SH3YL1: variants seen among roughly 807,000 people sequenced by gnomAD.
SH3YL1 encodes the protein SH3 and SYLF domain containing 1.
SH3YL1 carries 41 observed loss-of-function variants against 45.8 expected under a neutral mutation model. That is an observed-to-expected ratio of 0.89 (90% confidence interval 0.70 to 1.16). The LOEUF (loss-of-function observed/expected upper bound fraction) is 1.16. SH3YL1 is among the 50% of genes most tolerant of loss of function. SH3YL1 has a pLI of 0.00. For missense variants in SH3YL1, 389 were observed against 409.6 expected (o/e 0.95, Z 0.43); for synonymous variants, 152 against 151.4 (o/e 1.00, Z -0.03).
intron 9 of SH3YL1, among the ~76,000 whole-genome samples, chr2:219,976 A>C (rs1667504116): frequency 6.6e-6 from 1 of 152,102 alleles, no homozygotes; most frequent in Admixed American, 6.6e-5. Flanking sequence ...TTGAGAACTG[A>C]GCAGTTAACA....
At chr2:228,383 C>T (rs1180272919) in intron 8 of SH3YL1, among the ~76,000 whole-genome samples, 8 of 152,170 alleles carry the variant, frequency 5.3e-5, no homozygotes, top group African/African-American at 1.2e-4. Context: ...AAACAACCTT[C>T]AGAGCTTTTC....
chr2:229,481 G>T (rs1667932721), intron 8 of SH3YL1, among the ~76,000 whole-genome samples: 1 of 152,064 alleles, frequency 6.6e-6, no homozygotes, highest in African/African-American at 2.4e-5. Flanking sequence ...TGTAATCCCA[G>T]CACTTTGGGA....
rs770934186 is a variant in SH3YL1 at position 247,593 on chromosome 2, G to A, written c.236C>T (p.Ala79Val). The A allele has an allele frequency of 1.3e-6, 2 of 1,550,936 alleles. No individual in the cohort carries two copies. The highest frequency in any genetic ancestry group is 1.2e-5 in the South Asian group (1 of 83,896). ...GCCAGCTATCCCAATGGCTGAGGGT[G>A]CAGACCATTCTAATAAAAAAACAAA... ...VARLPDGKWS[A>V]PSAIGIAGLG... The change falls in exon 4 of 10, where the codon GCA becomes GTA. Residue 79 changes from alanine (A) to valine (V), a missense_variant. Ala to Val is a moderately conservative substitution (Grantham distance 64, BLOSUM62 0). Transcript: ENST00000356150.
At chr2:237,293 C>T (rs1431848443) in intron 4 of SH3YL1, among the ~76,000 whole-genome samples, 1 of 151,768 alleles carries the variant, frequency 6.6e-6, no homozygotes, top group Non-Finnish European at 1.5e-5. Flanking sequence ...TTTTTTTGGT[C>T]TGATCTCTCT....
chr2:236,144 C>T (rs113445600), intron 4 of SH3YL1, among the ~76,000 whole-genome samples: 2 of 96,536 alleles, frequency 2.1e-5, no homozygotes. Flanking sequence ...GCAGCATGGG[C>T]CAGGGGAGGC....
intron 9 of SH3YL1, chr2:222,764 C>A (rs139663338): frequency 6.6e-6 from 1 of 152,352 alleles, no homozygotes; most frequent in Non-Finnish European, 1.5e-5. Context: ...TGTAGCTGAT[C>A]ATCACACCCA....
chr2:244,333 A>G (rs1668686374), intron 4 of SH3YL1, among the ~76,000 whole-genome samples: 2 of 152,000 alleles, frequency 1.3e-5, no homozygotes, highest in African/African-American at 4.8e-5. Flanking sequence ...CATCTCTACT[A>G]AAAATACAAA....
intron 9 of SH3YL1, chr2:222,563 G>A (rs1270410873): frequency 1.3e-5 from 2 of 152,228 alleles, no homozygotes; most frequent in South Asian, 2.1e-4. Context: ...GTAAGAGGAC[G>A]GGGAAGAATG....
At chr2:236,616 T>C (rs888022885) in intron 4 of SH3YL1, among the ~76,000 whole-genome samples, 1 of 152,202 alleles carries the variant, frequency 6.6e-6, no homozygotes, top group Non-Finnish European at 1.5e-5. Flanking sequence ...GGTGTAATAA[T>C]AGTGGCACAC....
At chr2:261,352 C>T (rs1050004960) in intron 1 of SH3YL1, 2 of 152,164 alleles carry the variant, frequency 1.3e-5, no homozygotes, top group African/African-American at 4.8e-5. Context: ...AGCATCTGCA[C>T]TCTCATAAAC....
intron 6 of SH3YL1, among the ~76,000 whole-genome samples, chr2:231,817 T>A (rs933865310): frequency 6.6e-6 from 1 of 152,238 alleles, no homozygotes; most frequent in East Asian, 1.9e-4. Context: ...AGTTAACACA[T>A]CACTTTTGAT....
In SH3YL1 at chr2:252,986, A is replaced by T; in HGVS notation, c.112+19T>A. On this transcript the variant is annotated intron_variant, in intron 2 of 9. Transcript: ENST00000356150. The stretch of plus-strand genomic sequence containing the variant: ...AAAAAGACATTTAGAGACAAACAGC[A>T]CTCATCCTATTTACCTACCAGGAAT... 1 of 1,378,536 alleles carries T rather than the reference A, an allele frequency of 7.3e-7. No individual in the cohort carries two copies. Among genetic ancestry groups the T allele is most frequent in the Non-Finnish European group, 1.0e-6 (1 of 991,762 alleles). The allele number at this position is 1,378,536 out of a possible 1,614,324, so 85.4% of individuals were successfully genotyped here. A position where few individuals can be genotyped will look rare whatever the true frequency, so the allele number is the denominator to read the frequency against.
At chr2:242,793 G>T in intron 4 of SH3YL1, 1 of 1,535,800 alleles carries the variant, frequency 6.5e-7, no homozygotes, top group Non-Finnish European at 8.8e-7. Context: ...TAGATTCAAA[G>T]TTACCATTAG....
intron 3 of SH3YL1, among the ~76,000 whole-genome samples, chr2:249,246 G>A (rs1187706399): frequency 1.3e-5 from 2 of 152,156 alleles, no homozygotes; most frequent in Non-Finnish European, 2.9e-5. Context: ...AAAACTCGAT[G>A]ATACTGCTCT....
chr2:256,130 A>C (rs2103055960), intron 1 of SH3YL1: 1 of 152,326 alleles, frequency 6.6e-6, no homozygotes, highest in East Asian at 1.9e-4. Context: ...TCTGTCATTA[A>C]GTATGAATTT....
rs1251830040 is a variant in SH3YL1 at position 218,217 on chromosome 2, G to A, written c.*594C>T. On this transcript the variant is annotated 3_prime_UTR_variant, in exon 10 of 10. Transcript: ENST00000356150. Reference sequence around the variant, plus strand: ...GTCACCGTAAGTTTATGCTACTGCTGGAAATGAACAAATGTAGCCCCATAA... The same window carrying A: ...GTCACCGTAAGTTTATGCTACTGCTAGAAATGAACAAATGTAGCCCCATAA... The A allele has an allele frequency of 6.6e-6, 1 of 152,140 alleles. No homozygotes were observed. The highest frequency in any genetic ancestry group is 2.4e-5 in the African/African-American group (1 of 41,426). 9.4% of individuals were successfully genotyped at this position (152,140 alleles called of 1,614,324 possible).
chr2:249,315 C>A (rs1415166173), intron 3 of SH3YL1, among the ~76,000 whole-genome samples: 3 of 152,150 alleles, frequency 2.0e-5, no homozygotes, highest in Non-Finnish European at 4.4e-5. Flanking sequence ...TGATCTACCA[C>A]AGAAACAAAG....
chr2:262,402 C>G (rs1232555304), intron 1 of SH3YL1: 1 of 323,502 alleles, frequency 3.1e-6, no homozygotes, highest in East Asian at 9.1e-5. Context: ...AAGAGGACAG[C>G]GAAAGCTTTC....
chr2:237,540 A>C (rs1160646423), intron 4 of SH3YL1, among the ~76,000 whole-genome samples: 3 of 152,132 alleles, frequency 2.0e-5, no homozygotes, highest in Non-Finnish European at 4.4e-5. Flanking sequence ...GCATTTGATA[A>C]GACTTCTTTA....
Sources: allele counts gnomAD v4.1 joint callset (sites outside exome capture counted in the v4.1 genomes callset), GRCh38; gene constraint gnomAD v4.1.1; transcripts MANE v1.5; gene names NCBI Gene and HGNC (gene_info 2026-07-23, HGNC 2026-07-21).